The following GNAO1 variants were observed in gnomAD, a reference collection of about 807,000 sequenced individuals.
GNAO1 encodes the protein G protein subunit alpha o1.
For synonymous variants in GNAO1, 164 were observed against 180.7 expected, an observed-to-expected ratio of 0.91 and a Z score of 0.74; for missense variants, 166 against 478.7, an observed-to-expected ratio of 0.35 and a Z score of 6.10.
intron 2 of GNAO1, among the ~76,000 whole-genome samples, chr16:56,255,203 T>C (rs1384980609): frequency 3.9e-5 from 6 of 152,188 alleles, no homozygotes; most frequent in African/African-American, 1.4e-4. Context: ...TCCATTTAGA[T>C]TTAGGAGAAA....
rs762775830 is a variant in GNAO1, at chr16:56,328,837, G to A, written c.464+46G>A. 2.9e-5 allele frequency: 46 copies of A among 1,579,942 alleles called. No individual in the cohort carries two copies. The Admixed American group carries it at 4.4e-4, about 15-fold the overall frequency. On this transcript the variant is annotated intron_variant, in intron 4 of 8. Coordinates refer to ENST00000262493, the MANE Select transcript of GNAO1 (RefSeq NM_020988.3). ...ATGGCCTGGAGCCGGGCAGTGATGC[G>A]GGAGTGGAAGGGACTGGTGATGGGG...
At chr16:56,238,035 A>G (rs1475717989) in intron 2 of GNAO1, among the ~76,000 whole-genome samples, 1 of 152,184 alleles carries the variant, frequency 6.6e-6, no homozygotes, top group Non-Finnish European at 1.5e-5. Context: ...TGAGAAAGCG[A>G]GAGTGAAAGG....
At chr16:56,258,983 A>G (rs1394789976) in intron 2 of GNAO1, among the ~76,000 whole-genome samples, 1 of 152,224 alleles carries the variant, frequency 6.6e-6, no homozygotes, top group Non-Finnish European at 1.5e-5. Context: ...TTCTTTATGG[A>G]AAGTGCTGCC....
chr16:56,213,325 A>G (rs2036407903), intron 2 of GNAO1: 1 of 398,400 alleles, frequency 2.5e-6, no homozygotes. Flanking sequence ...GTTGTAACTG[A>G]GCAAGACACA....
intron 3 of GNAO1, among the ~76,000 whole-genome samples, chr16:56,315,007 A>C (rs181488765): frequency 1.1e-3 from 174 of 152,288 alleles, no homozygotes; most frequent in African/African-American, 4.0e-3. Flanking sequence ...ACCTTTTCTA[A>C]CAAAACAGTA....
At chr16:56,243,554 G>A (rs1364652177) in intron 2 of GNAO1, among the ~76,000 whole-genome samples, 2 of 152,182 alleles carry the variant, frequency 1.3e-5, no homozygotes, top group Non-Finnish European at 2.9e-5. Context: ...ATGACCAATA[G>A]CACATGAAAA....
At chr16:56,275,646 C>G (rs528295833) in intron 2 of GNAO1, among the ~76,000 whole-genome samples, 6 of 152,288 alleles carry the variant, frequency 3.9e-5, no homozygotes, top group Middle Eastern at 3.4e-3. Context: ...AATGTATGCC[C>G]TTCCTGTTCT....
intron 2 of GNAO1, among the ~76,000 whole-genome samples, chr16:56,260,539 A>G (rs1001646789): frequency 6.6e-5 from 10 of 152,246 alleles, no homozygotes; most frequent in Non-Finnish European, 1.3e-4. Context: ...CAGAGCCTCT[A>G]CTGAGCCCGA....
chr16:56,350,166 C>T (rs910015172), intron 6 of GNAO1, among the ~76,000 whole-genome samples: 1 of 152,148 alleles, frequency 6.6e-6, no homozygotes, highest in African/African-American at 2.4e-5. Context: ...TGTGCTCACC[C>T]CTGGGGGAGG....
At chr16:56,247,202 G>A (rs1300990826) in intron 2 of GNAO1, among the ~76,000 whole-genome samples, 3 of 152,216 alleles carry the variant, frequency 2.0e-5, no homozygotes, top group Non-Finnish European at 4.4e-5. Flanking sequence ...CATCCAGGCA[G>A]AACAGAACTG....
chr16:56,345,195 A>G (rs1322609817), intron 6 of GNAO1: 1 of 985,426 alleles, frequency 1.0e-6, no homozygotes, highest in Non-Finnish European at 1.2e-6. Flanking sequence ...CAACCAACAC[A>G]CCTCTCCCAC....
intron 6 of GNAO1, among the ~76,000 whole-genome samples, chr16:56,343,364 T>G (rs1202216021): frequency 6.7e-6 from 1 of 148,448 alleles, no homozygotes; most frequent in African/African-American, 2.6e-5. Context: ...CCAGGTGTGG[T>G]TTCCAGCTAC....
intron 3 of GNAO1, among the ~76,000 whole-genome samples, chr16:56,286,741 ATCTGTCTG>A (rs1218026750): frequency 2.1e-5 from 3 of 145,570 alleles, no homozygotes; most frequent in African/African-American, 7.7e-5. Flanking sequence ...GTATGTGTGT[ATCTGTCTG>A]TCTGTCTGTC....
At chr16:56,216,835 C>T (rs2036440857) in intron 2 of GNAO1, among the ~76,000 whole-genome samples, 1 of 152,238 alleles carries the variant, frequency 6.6e-6, no homozygotes, top group Non-Finnish European at 1.5e-5. Context: ...GGCCCTGCCA[C>T]TTAACAGCTG....
intron 3 of GNAO1, 69 bp downstream of exon 3, chr16:56,276,141 A>G: frequency 5.0e-6 from 7 of 1,388,386 alleles, no homozygotes; most frequent in Non-Finnish European, 6.0e-6. Context: ...CCTCCTCTTT[A>G]TAGTGCTGGG....
intron 6 of GNAO1, chr16:56,340,561 C>G (rs1182667405): frequency 3.0e-6 from 1 of 336,894 alleles, no homozygotes; most frequent in African/African-American, 2.1e-5. Context: ...TCACTGCCCC[C>G]ACCTGGGGCC....
At chr16:56,303,675 A>C (rs146642509) in intron 3 of GNAO1, among the ~76,000 whole-genome samples, 2 of 152,182 alleles carry the variant, frequency 1.3e-5, no homozygotes, top group Non-Finnish European at 2.9e-5. Flanking sequence ...GACCTCAGAG[A>C]TGATCACATC....
At chr16:56,337,291 G>A (rs1381198747) in intron 6 of GNAO1, among the ~76,000 whole-genome samples, 3 of 152,244 alleles carry the variant, frequency 2.0e-5, no homozygotes, top group African/African-American at 7.2e-5. Context: ...AGCAGCATGG[G>A]GCCGGGGATG....
intron 6 of GNAO1, chr16:56,347,769 C>A (rs116075034): frequency 1.1e-6 from 1 of 878,532 alleles, no homozygotes; most frequent in Non-Finnish European, 1.4e-6. Context: ...CTCCCCACCC[C>A]TCCCCTCCCT....
Sources: allele counts gnomAD v4.1 joint callset (sites outside exome capture counted in the v4.1 genomes callset), GRCh38; gene constraint gnomAD v4.1.1; transcripts MANE v1.5; gene names NCBI Gene and HGNC (gene_info 2026-07-23, HGNC 2026-07-21).